RSPO2: variants seen among roughly 807,000 people sequenced by gnomAD.
RSPO2 encodes R-spondin-2.
RSPO2 carries 14 observed loss-of-function variants against 30.9 expected under a neutral mutation model. That is an observed-to-expected ratio of 0.45 (90% CI 0.30 to 0.71). The LOEUF (loss-of-function observed/expected upper bound fraction) is 0.71. RSPO2 is among the 30% of genes least tolerant of loss of function. The pLI is 0.08. For synonymous variants in RSPO2, 107 were observed against 96.4 expected, an observed-to-expected ratio of 1.11 and a Z score of -0.64; for missense variants, 264 against 301.9, an observed-to-expected ratio of 0.87 and a Z score of 0.93.
At position 107,989,189 on chromosome 8, in the gene RSPO2, A is replaced by G. The variant is rs772008325; in HGVS notation, c.150T>C (p.Asn50=). 5.6e-6 allele frequency: 9 copies of G among 1,607,412 alleles called. No individual in the cohort carries two copies. In the South Asian group the frequency reaches 6.7e-5, roughly 12 times the overall value. Residue 50 remains asparagine (N), a synonymous_variant, in exon 3 of 6, where the codon AAT becomes AAC. Transcript: ENST00000276659. ...CKGCLSCSKD[N]GCSRCQQKLF... is the part of the protein sequence containing the mutation. ...ACTTCTGTTGACATCGGCTACACCCATTGTCCTTTGAACAAGACAAACAAC... is the reference window on the plus strand; with the variant it reads ...ACTTCTGTTGACATCGGCTACACCCGTTGTCCTTTGAACAAGACAAACAAC...
chr8:108,052,395 T>C (rs946827549), intron 2 of RSPO2, among the ~76,000 whole-genome samples: 2 of 152,236 alleles, frequency 1.3e-5, no homozygotes, highest in African/African-American at 2.4e-5. Flanking sequence ...GATCAATATA[T>C]GCTTTATTAA....
chr8:107,924,894 A>G (rs1019071474), intron 5 of RSPO2, among the ~76,000 whole-genome samples: 4 of 152,028 alleles, frequency 2.6e-5, no homozygotes, highest in Non-Finnish European at 4.4e-5. Context: ...ATGCATGCAA[A>G]AAAAATGAAA....
chr8:107,982,970 G>A, intron 3 of RSPO2: 1 of 505,548 alleles, frequency 2.0e-6, no homozygotes, highest in Non-Finnish European at 3.4e-6. Context: ...TATAAATAGT[G>A]TTGGCTCCCT....
chr8:108,000,234 G>A (rs1040760600), intron 2 of RSPO2, among the ~76,000 whole-genome samples: 15 of 152,118 alleles, frequency 9.9e-5, no homozygotes, highest in Non-Finnish European at 1.6e-4. Flanking sequence ...ATTAACATTC[G>A]AGATAATCTG....
chr8:108,003,496 A>C (rs1182028667), intron 2 of RSPO2, among the ~76,000 whole-genome samples: 2 of 151,036 alleles, frequency 1.3e-5, no homozygotes, highest in African/African-American at 4.9e-5. Context: ...GTCTGCATTT[A>C]ACATTTATAA....
intron 3 of RSPO2, among the ~76,000 whole-genome samples, chr8:107,972,457 T>C (rs1342920132): frequency 1.3e-5 from 2 of 152,092 alleles, no homozygotes; most frequent in Non-Finnish European, 2.9e-5. Flanking sequence ...ATTTTGTATA[T>C]TTTAGTGTAA....
intron 3 of RSPO2, among the ~76,000 whole-genome samples, chr8:107,977,180 T>C (rs1814245668): frequency 1.3e-5 from 2 of 152,250 alleles, no homozygotes; most frequent in South Asian, 4.1e-4. Context: ...TTCCTCATAA[T>C]ATCCTCATAT....
chr8:107,998,466 T>C (rs1815104522), intron 2 of RSPO2, among the ~76,000 whole-genome samples: 1 of 152,178 alleles, frequency 6.6e-6, no homozygotes, highest in Non-Finnish European at 1.5e-5. Flanking sequence ...ATACTTTGCT[T>C]AGTTTTATAT....
At chr8:108,074,034 C>T (rs775661166) in intron 2 of RSPO2, among the ~76,000 whole-genome samples, 10 of 152,250 alleles carry the variant, frequency 6.6e-5, no homozygotes, top group Non-Finnish European at 1.0e-4. Flanking sequence ...AGCTCTATAT[C>T]GTCCCTCTAC....
chr8:108,000,164 C>T (rs1586615261), intron 2 of RSPO2, among the ~76,000 whole-genome samples: 1 of 152,082 alleles, frequency 6.6e-6, no homozygotes, highest in African/African-American at 2.4e-5. Flanking sequence ...TGCTTGAGGG[C>T]ACAATGGACC....
At chr8:108,032,844 G>A (rs1388359221) in intron 2 of RSPO2, among the ~76,000 whole-genome samples, 2 of 151,698 alleles carry the variant, frequency 1.3e-5, no homozygotes, top group African/African-American at 2.4e-5. Flanking sequence ...CGGATCACAA[G>A]GTCAGGAGAT....
chr8:107,983,218 A>G (rs185587777), intron 3 of RSPO2: 78 of 1,577,388 alleles, frequency 4.9e-5, no homozygotes, highest in Middle Eastern at 4.7e-4. Flanking sequence ...TTCTTGTCAC[A>G]AAAAGGCTGC....
chr8:107,979,984 A>AG (rs1814367455), intron 3 of RSPO2, among the ~76,000 whole-genome samples: 1 of 152,174 alleles, frequency 6.6e-6, no homozygotes, highest in South Asian at 2.1e-4. Flanking sequence ...CTCCATCCTC[A>AG]GCTTCCAAGA....
Position 107,901,036 on chromosome 8 carries a change from A to AAAAACAAAAACCCCTAAAAAT in RSPO2, c.*18_*38dup, listed in dbSNP as rs1356644280. The AAAAACAAAAACCCCTAAAAAT allele has an allele frequency of 2.5e-6, 4 of 1,608,104 alleles. No individual in the cohort carries two copies. The highest frequency in any genetic ancestry group is 2.5e-6 in the Non-Finnish European group (3 of 1,178,162). On this transcript the variant is annotated 3_prime_UTR_variant, in exon 6 of 6. Transcript: ENST00000276659. ...GGAGAGTAGCTTTGTGCACATTTGCAAAAACAAAAACCCCTAAAAATCTAC... is the reference window on the plus strand; with the variant it reads ...GGAGAGTAGCTTTGTGCACATTTGCAAAAACAAAAACCCCTAAAAATAAAACAAAAACCCCTAAAAATCTAC...
intron 2 of RSPO2, among the ~76,000 whole-genome samples, chr8:108,025,616 C>T (rs1304248346): frequency 1.3e-5 from 2 of 152,144 alleles, no homozygotes; most frequent in Non-Finnish European, 2.9e-5. Context: ...GCCTCAACCT[C>T]CTAGGCTCTA....
In RSPO2 at chr8:107,989,008, C is replaced by T. The variant is rs756338943; in HGVS notation, c.283+48G>A. 1.7e-5 allele frequency: 25 copies of T among 1,482,186 alleles called. 1 individual carries two copies. Among genetic ancestry groups the T allele is most frequent in the Middle Eastern group, 2.4e-4 (1 of 4,128 alleles). The allele number at this position is 1,482,186 out of a possible 1,614,324, so 91.8% of individuals were successfully genotyped here. On this transcript the variant is annotated intron_variant, in intron 3 of 5. Transcript: ENST00000276659. ...CAAAATCTTCAACTTAGCTCCTCTC[C>T]TAAGTTGCATATCCAGCAATACAGG...
At chr8:108,058,139 C>T (rs1402963000) in intron 2 of RSPO2, among the ~76,000 whole-genome samples, 5 of 144,572 alleles carry the variant, frequency 3.5e-5, no homozygotes, top group Middle Eastern at 7.1e-3. Context: ...TATTGAGATA[C>T]ATCCCATCAA....
chr8:107,985,696 A>T (rs537765901), intron 3 of RSPO2, among the ~76,000 whole-genome samples: 106 of 152,318 alleles, frequency 7.0e-4, no homozygotes, highest in Non-Finnish European at 1.2e-3. Context: ...AGAACAATTT[A>T]AAGAATAAAG....
intron 2 of RSPO2, among the ~76,000 whole-genome samples, chr8:107,999,544 C>T (rs761844566): frequency 1.1e-4 from 17 of 152,146 alleles, no homozygotes; most frequent in South Asian, 4.1e-4. Flanking sequence ...AAGTGATTCT[C>T]GTGCCTCAGC....
Sources: allele counts gnomAD v4.1 joint callset (sites outside exome capture counted in the v4.1 genomes callset), GRCh38; gene constraint gnomAD v4.1.1; transcripts MANE v1.5; gene names NCBI Gene and HGNC (gene_info 2026-07-23, HGNC 2026-07-21).